LRP1B: variants seen among roughly 807,000 people sequenced by gnomAD.
LRP1B encodes the protein LDL receptor related protein 1B, also known as low-density lipoprotein receptor-related protein 1B.
In LRP1B, 217 loss-of-function variants were observed where a neutral mutation model predicts 556.6. The observed-to-expected ratio is 0.39, with a 90% CI of 0.35 to 0.44. The LOEUF is 0.44. LRP1B is among the 20% of genes least tolerant of loss of function. The pLI, the probability that LRP1B is intolerant of heterozygous loss-of-function variation, is 1.00. For synonymous variants in LRP1B, 2,047 were observed against 1,865.8 expected (o/e 1.10, Z -2.50); for missense variants, 5,053 against 5,620.8 (o/e 0.90, Z 3.23).
At chr2:141,268,724 A>G (rs1193963746) in intron 3 of LRP1B, among the ~76,000 whole-genome samples, 1 of 152,182 alleles carries the variant, frequency 6.6e-6, no homozygotes, top group Non-Finnish European at 1.5e-5. Flanking sequence ...CTCTTTTAAC[A>G]TTTGCAGCAG....
intron 77 of LRP1B, among the ~76,000 whole-genome samples, chr2:140,343,981 G>T (rs182920078): frequency 1.3e-5 from 2 of 151,776 alleles, no homozygotes; most frequent in Admixed American, 6.6e-5. Context: ...TATGGAAAGA[G>T]TTGGAGGTCA....
chr2:140,652,345 T>C (rs1289814033), intron 41 of LRP1B, among the ~76,000 whole-genome samples: 3 of 152,076 alleles, frequency 2.0e-5, no homozygotes, highest in East Asian at 3.9e-4. Flanking sequence ...AATGACTAAA[T>C]ACACTAGAAT....
intron 1 of LRP1B, among the ~76,000 whole-genome samples, chr2:141,872,044 T>G (rs1016384481): frequency 1.3e-5 from 2 of 151,900 alleles, no homozygotes; most frequent in Middle Eastern, 3.2e-3. Flanking sequence ...ATTCTCAGAA[T>G]AAGACATGTC....
chr2:141,961,469 C>T (rs996686799), intron 1 of LRP1B, among the ~76,000 whole-genome samples: 1 of 151,664 alleles, frequency 6.6e-6, no homozygotes, highest in Admixed American at 6.6e-5. Flanking sequence ...AAAGGACAAC[C>T]TGATCCTTGG....
intron 2 of LRP1B, among the ~76,000 whole-genome samples, chr2:141,685,957 CATTT>C: frequency 6.6e-6 from 1 of 152,112 alleles, no homozygotes; most frequent in East Asian, 1.9e-4. Flanking sequence ...ACATACACTG[CATTT>C]ATCCAAACAA....
intron 1 of LRP1B, among the ~76,000 whole-genome samples, chr2:142,128,882 G>A (rs1031808686): frequency 1.3e-5 from 2 of 152,068 alleles, no homozygotes; most frequent in Non-Finnish European, 2.9e-5. Flanking sequence ...AAGTTGTGGG[G>A]TCTGTATTTT....
At chr2:141,314,900 A>T (rs1266248818) in intron 3 of LRP1B, among the ~76,000 whole-genome samples, 1 of 146,310 alleles carries the variant, frequency 6.8e-6, no homozygotes, top group Non-Finnish European at 1.5e-5. Flanking sequence ...ATATACATAT[A>T]TATATATATA....
intron 2 of LRP1B, among the ~76,000 whole-genome samples, chr2:141,796,019 A>C (rs999826353): frequency 6.6e-6 from 1 of 150,758 alleles, no homozygotes; most frequent in Admixed American, 6.6e-5. Flanking sequence ...ACACAAGCCA[A>C]TCTCAGCTAC....
At chr2:140,452,270 C>T (rs376596072) in intron 62 of LRP1B, among the ~76,000 whole-genome samples, 4 of 151,966 alleles carry the variant, frequency 2.6e-5, no homozygotes, top group Non-Finnish European at 5.9e-5. Flanking sequence ...AATCTATTAC[C>T]GTAAACTAAT....
chr2:142,008,292 T>C (rs931177096), intron 1 of LRP1B, among the ~76,000 whole-genome samples: 3 of 152,190 alleles, frequency 2.0e-5, no homozygotes, highest in African/African-American at 4.8e-5. Flanking sequence ...CAGAGTGCTC[T>C]AGCCGGTGAT....
chr2:141,397,954 T>C (rs1173682423), intron 3 of LRP1B, among the ~76,000 whole-genome samples: 2 of 152,088 alleles, frequency 1.3e-5, no homozygotes, highest in East Asian at 3.9e-4. Context: ...GAGAGTTTAA[T>C]GTCTAGATGG....
intron 1 of LRP1B, among the ~76,000 whole-genome samples, chr2:141,947,427 G>A (rs1191564010): frequency 6.6e-6 from 1 of 151,602 alleles, no homozygotes; most frequent in Admixed American, 6.6e-5. Flanking sequence ...CACAGCGAGA[G>A]TCCATCTCAA....
At chr2:141,745,945 C>T (rs1231842030) in intron 2 of LRP1B, among the ~76,000 whole-genome samples, 1 of 151,876 alleles carries the variant, frequency 6.6e-6, no homozygotes, top group Non-Finnish European at 1.5e-5. Flanking sequence ...CAGCAGGTTC[C>T]CTTCTGGCCC....
At chr2:140,715,276 T>C (rs1239809541) in intron 37 of LRP1B, among the ~76,000 whole-genome samples, 1 of 152,008 alleles carries the variant, frequency 6.6e-6, no homozygotes, top group East Asian at 1.9e-4. Flanking sequence ...CACTCTAGGC[T>C]TTGGTGAGTT....
intron 43 of LRP1B, among the ~76,000 whole-genome samples, chr2:140,590,345 A>G (rs10179519): frequency 0.02 from 2,936 of 148,642 alleles, 43 homozygotes; most frequent in Non-Finnish European, 0.03. Context: ...GTGTGTGTGT[A>G]TATATATATA....
At chr2:141,930,146 G>A (rs1292683435) in intron 1 of LRP1B, among the ~76,000 whole-genome samples, 1 of 151,776 alleles carries the variant, frequency 6.6e-6, no homozygotes, top group Non-Finnish European at 1.5e-5. Flanking sequence ...ACCACATCTT[G>A]GATTTTAAAT....
At chr2:140,896,634 A>G (rs549774503) in intron 23 of LRP1B, among the ~76,000 whole-genome samples, 1 of 152,280 alleles carries the variant, frequency 6.6e-6, no homozygotes. Flanking sequence ...GACATGCACC[A>G]CCATGACTGG....
At chr2:141,684,152 A>G (rs915086899) in intron 2 of LRP1B, among the ~76,000 whole-genome samples, 7 of 152,128 alleles carry the variant, frequency 4.6e-5, no homozygotes, top group Non-Finnish European at 5.9e-5. Context: ...ACACATGCAC[A>G]TGTATGTTTA....
chr2:141,010,604 T>G (rs1349854134), intron 14 of LRP1B, among the ~76,000 whole-genome samples: 1 of 151,884 alleles, frequency 6.6e-6, no homozygotes. Flanking sequence ...AACCTCCACC[T>G]CCCAAGTTTA....
Sources: gnomAD v4.1 joint callset for allele counts (sites outside exome capture counted in the v4.1 genomes callset) on GRCh38, gnomAD v4.1.1 for gene constraint, MANE v1.5 for transcripts, NCBI Gene and HGNC (gene_info 2026-07-23, HGNC 2026-07-21) for gene names.